Variants in CPEB1 observed in about 807,000 individuals in gnomAD.
CPEB1 encodes cytoplasmic polyadenylation element binding protein 1.
Under a neutral mutation model 65.8 loss-of-function variants are expected in CPEB1, and 7 were observed. The ratio of observed to expected loss-of-function variants is 0.11; its 90% CI spans 0.06 to 0.20. The LOEUF (loss-of-function observed/expected upper bound fraction) is 0.20, where lower values mean the gene tolerates loss of function less well. Ranked by LOEUF, CPEB1 falls within the 10% of genes least tolerant of loss-of-function variation. CPEB1 has a pLI of 1.00. For synonymous variants in CPEB1, 262 were observed against 260.0 expected, an observed-to-expected ratio of 1.01 and a Z score of -0.08; for missense variants, 551 against 712.2, an observed-to-expected ratio of 0.77 and a Z score of 2.58.
At chr15:82,585,508 T>C (rs2041723431) in intron 3 of CPEB1, among the ~76,000 whole-genome samples, 1 of 152,108 alleles carries the variant, frequency 6.6e-6, no homozygotes, top group Non-Finnish European at 1.5e-5. Flanking sequence ...CTAGGCAACT[T>C]ACAACTATCA....
chr15:82,620,403 C>T (rs1221370112), intron 3 of CPEB1, among the ~76,000 whole-genome samples: 7 of 145,878 alleles, frequency 4.8e-5, no homozygotes, highest in Non-Finnish European at 7.4e-5. Context: ...GTAGTCTGGG[C>T]GACAGAGCAA....
intron 3 of CPEB1, among the ~76,000 whole-genome samples, chr15:82,613,997 G>A (rs774737232): frequency 2.2e-4 from 34 of 151,484 alleles, no homozygotes; most frequent in Non-Finnish European, 8.8e-5. Flanking sequence ...GCCAAGCAGT[G>A]GCCTTGCTGA....
At chr15:82,647,880 G>T, upstream of CPEB1, 1 of 1,254,822 alleles carries the variant, frequency 8.0e-7, no homozygotes. Flanking sequence ...TGGGGCCGGT[G>T]TGGCCCTGCG....
At chr15:82,617,935 GTTTT>G (rs2044903125) in intron 3 of CPEB1, among the ~76,000 whole-genome samples, 2 of 151,062 alleles carry the variant, frequency 1.3e-5, no homozygotes. Flanking sequence ...GGGTTTCACC[GTTTT>G]AGCCGGGATG....
chr15:82,578,767 A>G (rs906427119), intron 3 of CPEB1, among the ~76,000 whole-genome samples: 1 of 152,120 alleles, frequency 6.6e-6, no homozygotes, highest in Non-Finnish European at 1.5e-5. Context: ...AAAAAAACAA[A>G]CAAACAAAAA....
At chr15:82,647,595 A>C (rs1163411670), upstream of CPEB1, 75 of 323,256 alleles carry the variant, frequency 2.3e-4, 2 homozygotes, top group East Asian at 3.6e-3. Context: ...TGCGGCTCGG[A>C]GGCCCCACCG....
At chr15:82,639,385 C>G (rs60451143) in intron 1 of CPEB1, among the ~76,000 whole-genome samples, 2 of 152,048 alleles carry the variant, frequency 1.3e-5, no homozygotes, top group Admixed American at 1.3e-4. Flanking sequence ...CCACACTATC[C>G]CCCAAAGAGT....
intron 3 of CPEB1, among the ~76,000 whole-genome samples, chr15:82,587,374 A>G (rs1373899412): frequency 1.3e-5 from 2 of 152,242 alleles, no homozygotes; most frequent in Admixed American, 6.5e-5. Context: ...ATTTACCTAC[A>G]AAGATGCCTG....
intron 1 of CPEB1, among the ~76,000 whole-genome samples, chr15:82,646,514 T>A (rs2047546711): frequency 6.6e-6 from 1 of 152,000 alleles, no homozygotes; most frequent in Non-Finnish European, 1.5e-5. Context: ...GCACCCCGGC[T>A]TCTAAGAGCG....
chr15:82,615,909 A>T (rs558478484), intron 3 of CPEB1, among the ~76,000 whole-genome samples: 1 of 152,300 alleles, frequency 6.6e-6, no homozygotes, highest in South Asian at 2.1e-4. Flanking sequence ...AATACTGTTT[A>T]TAATAGCAAA....
chr15:82,567,410 G>A lies in CPEB1; in HGVS notation c.460+3934C>T, dbSNP rs150207153. Among the ~76,000 whole-genome samples, 71 of 152,002 alleles carry A rather than the reference G, an allele frequency of 4.7e-4. No individual in the cohort carries two copies. In the Middle Eastern group the frequency reaches 0.014, roughly 29 times the overall value. On this transcript the variant is annotated intron_variant, in intron 4 of 12. Coordinates refer to ENST00000684509, the MANE Select transcript of CPEB1 (RefSeq NM_001365242.1). ...TCCCAGCATTTTGGGAGTCCGAGGC[G>A]GGTGGATCACAAGGTCAGGAGTTCA...
At chr15:82,592,662 ATAATTTTAAAACACTTCATTGC>A (rs2042352616) in intron 3 of CPEB1, among the ~76,000 whole-genome samples, 1 of 152,242 alleles carries the variant, frequency 6.6e-6, no homozygotes, top group East Asian at 1.9e-4. Context: ...AGTACATATC[ATAATTTTAAAACACTTCATTGC>A]TAAAGAATCC....
At chr15:82,556,156 G>C (rs1209293119) in intron 5 of CPEB1, 34 bp from the exon 6 acceptor site, 2 of 1,557,676 alleles carry the variant, frequency 1.3e-6, no homozygotes, top group Non-Finnish European at 1.7e-6. Flanking sequence ...GGGTTTTAAA[G>C]GCTAGTTTTG....
At chr15:82,588,272 C>T (rs951976914) in intron 3 of CPEB1, among the ~76,000 whole-genome samples, 2 of 152,060 alleles carry the variant, frequency 1.3e-5, no homozygotes, top group African/African-American at 4.8e-5. Flanking sequence ...TGTGGAAGTT[C>T]ATCCCCACAT....
chr15:82,552,529 A>C lies in CPEB1; in HGVS notation c.1232T>G (p.Leu411Arg). The C allele has an allele frequency of 6.2e-7, 1 of 1,604,684 alleles. No individual in the cohort carries two copies. Among genetic ancestry groups the C allele is most frequent in the Non-Finnish European group, 8.5e-7 (1 of 1,177,092 alleles). ...GGACATCTTGAAATAATATTCACTC[A>C]GGCCATCTGGGCTCAGCGGGTCATG... ...CSHDPLSPDG[L>R]SEYYFKMSSR... The change falls in exon 9 of 13, where the codon CTG (leucine) becomes CGG (arginine). Residue 411 changes from leucine to arginine, a missense_variant. By Grantham distance (102) the Leu-to-Arg change is moderately radical. Transcript: ENST00000684509.
chr15:82,614,991 T>C (rs559896607), intron 3 of CPEB1, among the ~76,000 whole-genome samples: 3 of 152,264 alleles, frequency 2.0e-5, no homozygotes, highest in South Asian at 2.1e-4. Context: ...TCATTGTAGA[T>C]AGTATTCAAT....
intron 4 of CPEB1, among the ~76,000 whole-genome samples, chr15:82,561,329 G>A (rs1406365272): frequency 6.6e-6 from 1 of 152,192 alleles, no homozygotes; most frequent in Non-Finnish European, 1.5e-5. Context: ...CATCTTAAAG[G>A]AAAAGTCTTC....
At chr15:82,629,915 T>C (rs557933133) in intron 1 of CPEB1, 8 of 985,382 alleles carry the variant, frequency 8.1e-6, no homozygotes, top group African/African-American at 3.5e-5. Flanking sequence ...TTCTTGAAGA[T>C]TGGTACCCTC....
At position 82,544,603 on chromosome 15, in the gene CPEB1, C is replaced by T. The variant is rs897450666; in HGVS notation, c.1756G>A (p.Asp586Asn). Residue 586 changes from aspartate to asparagine, a missense_variant, in exon 13 of 13, where the codon GAT becomes AAT. By Grantham distance (23) the Asp-to-Asn change is conservative. This residue lies in a region of CPEB1 where 98 missense variants were observed against 157.6 expected (regional missense o/e 0.62). Transcript: ENST00000684509. ...CAAGGCCAGCTCCTCTAGCTGGAAT[C>T]TCGGTTCTTCTGGTTCCGCATCAGG... Reference protein sequence around the residue: ...SPLMRNQKNRDSS With the variant: ...SPLMRNQKNRNSS The T allele has an allele frequency of 1.9e-6, 3 of 1,612,604 alleles. No homozygotes were observed. The highest frequency in any genetic ancestry group is 1.3e-5 in the African/African-American group (1 of 74,902).
Sources: gnomAD v4.1 joint callset for allele counts (sites outside exome capture counted in the v4.1 genomes callset) on GRCh38, gnomAD v4.1.1 for gene constraint, gnomAD v4.1.1 regional missense constraint, MANE v1.5 for transcripts, NCBI Gene and HGNC (gene_info 2026-07-23, HGNC 2026-07-21) for gene names.